Variants in BSN observed in about 807,000 individuals in gnomAD.
The protein encoded by BSN is bassoon presynaptic cytomatrix protein, also known as protein bassoon.
A neutral mutation model predicts 264.8 loss-of-function variants in BSN; 57 were observed. The ratio of observed to expected loss-of-function variants is 0.22; its 90% CI spans 0.17 to 0.27. The LOEUF is 0.27. Among genes scored for constraint, BSN ranks in the 10% least tolerant of loss-of-function variants. BSN has a pLI of 1.00. For missense variants in BSN, 4,615 were observed against 5,232.5 expected (o/e 0.88, Z 3.64); for synonymous variants, 2,059 against 2,137.3 (o/e 0.96, Z 1.01).
intron 2 of BSN, among the ~76,000 whole-genome samples, chr3:49,629,940 C>G (rs1162287685): frequency 1.3e-5 from 2 of 152,276 alleles, no homozygotes; most frequent in Non-Finnish European, 2.9e-5. Context: ...CCATCCCCAA[C>G]TCCTACCCAA....
intron 1 of BSN, among the ~76,000 whole-genome samples, chr3:49,621,478 A>G (rs925634109): frequency 6.6e-6 from 1 of 152,184 alleles, no homozygotes; most frequent in Non-Finnish European, 1.5e-5. Context: ...AGAAGGTGGT[A>G]TTCCCGAAGG....
Position 49,654,851 on chromosome 3 carries a change from G to C in BSN, c.5295G>C (p.Gly1765=). The change falls in exon 5 of 12, where the codon GGG becomes GGC. Residue 1765 remains glycine (G), a synonymous_variant. Transcript: ENST00000296452. This position sits in a 1 kb window ranked among gnomAD's most constrained non-coding sequence, Gnocchi z 4.1. The stretch of plus-strand genomic sequence containing the variant: ...GCCGCCTTGACTTTGGCCAGGGTGG[G>C]GGTAGCCCTGTGTGCCTGGCCCAGG... ...YQSRLDFGQG[G]GSPVCLAQVK... is the part of the protein sequence containing the mutation. 1 of 1,613,514 alleles carries C rather than the reference G, an allele frequency of 6.2e-7. No individual in the cohort carries two copies. Among genetic ancestry groups the C allele is most frequent in the South Asian group, 1.1e-5 (1 of 91,072 alleles).
chr3:49,661,509 A>G lies in BSN; in HGVS notation c.9664A>G (p.Ser3222Gly). ...CTACCCCTCTGACTCACACTATACC[A>G]GTCTGGAGCAGAACGTTCCTCGAAA... Reference protein sequence around the residue: ...PTYPSDSHYTSLEQNVPRNYV... With the variant: ...PTYPSDSHYTGLEQNVPRNYV... The change falls in exon 6 of 12, where the codon AGT becomes GGT. Residue 3222 changes from serine to glycine, a missense_variant. Physicochemically the swap from Ser to Gly is moderately conservative, Grantham distance 56 (BLOSUM62 0). Transcript: ENST00000296452. The G allele has an allele frequency of 1.2e-6, 2 of 1,614,084 alleles. No individual in the cohort carries two copies. The highest frequency in any genetic ancestry group is 1.7e-6 in the Non-Finnish European group (2 of 1,180,024).
At chr3:49,641,513 G>A (rs1447843935) in intron 2 of BSN, 1 of 152,174 alleles carries the variant, frequency 6.6e-6, no homozygotes, top group South Asian at 2.1e-4. Flanking sequence ...AGCGGCACAT[G>A]TCTCGTTTGC....
rs1050925127 is a variant in BSN at position 49,667,850 on chromosome 3, T to G, written c.*365T>G. On this transcript the variant is annotated 3_prime_UTR_variant, in exon 12 of 12. Transcript: ENST00000296452. ...CTGCCACCATGGTGTCTTGCCGTAC[T>G]TCCCACAGCCGCCTTTTTGCGGCCT... 2.0e-5 allele frequency: 3 copies of G among 152,446 alleles called. No individual in the cohort carries two copies. The highest frequency in any genetic ancestry group is 7.2e-5 in the African/African-American group (3 of 41,448). The allele number at this position is 152,446 out of a possible 1,614,324, so 9.4% of individuals were successfully genotyped here.
chr3:49,658,717 T>C (rs1033538042), intron 5 of BSN, among the ~76,000 whole-genome samples: 1 of 152,192 alleles, frequency 6.6e-6, no homozygotes. Context: ...TGCAGTGTGC[T>C]CTCTGCCCCA....
chr3:49,648,922 A>G (rs1439814079), intron 3 of BSN, among the ~76,000 whole-genome samples: 1 of 152,214 alleles, frequency 6.6e-6, no homozygotes, highest in African/African-American at 2.4e-5. Context: ...GGCCTCGGGG[A>G]AGAGCAGAAG....
chr3:49,662,073 T>C lies in BSN; in HGVS notation c.10228T>C (p.Tyr3410His). The stretch of plus-strand genomic sequence containing the variant: ...CAGGAAGTTCCAGGATGAAATCACC[T>C]ATGGGCTCAAGAAGAACGTGTATGA... ...RGRKFQDEIT[Y>H]GLKKNVYEQQ... The change falls in exon 6 of 12, where the codon TAT becomes CAT. Residue 3410 changes from tyrosine to histidine, a missense_variant. By Grantham distance (83) the Tyr-to-His change is moderately conservative. Transcript: ENST00000296452. 1.9e-6 allele frequency: 3 copies of C among 1,613,604 alleles called. No homozygotes were observed. Among genetic ancestry groups the C allele is most frequent in the African/African-American group, 1.3e-5 (1 of 75,048 alleles).
At chr3:49,621,234 G>T (rs564030739) in intron 1 of BSN, among the ~76,000 whole-genome samples, 41 of 152,304 alleles carry the variant, frequency 2.7e-4, no homozygotes, top group African/African-American at 9.4e-4. Flanking sequence ...TCAGAGCAGA[G>T]TTCTGGGCCA....
intron 1 of BSN, among the ~76,000 whole-genome samples, chr3:49,593,855 T>C (rs1167230144): frequency 1.4e-5 from 2 of 147,900 alleles, no homozygotes; most frequent in East Asian, 2.0e-4. Flanking sequence ...CAGGCTGGAG[T>C]GCGGTGGCGT....
At chr3:49,589,419 A>C (rs191669654) in intron 1 of BSN, among the ~76,000 whole-genome samples, 3 of 151,800 alleles carry the variant, frequency 2.0e-5, no homozygotes, top group Non-Finnish European at 4.4e-5. Flanking sequence ...TCTTAGGTCT[A>C]TGTATGTGTA....
Position 49,656,913 on chromosome 3 carries a change from G to C in BSN, c.7357G>C (p.Glu2453Gln), listed in dbSNP as rs761139816. 1 of 1,600,044 alleles carries C rather than the reference G, an allele frequency of 6.2e-7. No individual in the cohort carries two copies. The highest frequency in any genetic ancestry group is 8.5e-7 in the Non-Finnish European group (1 of 1,172,808). Reference protein sequence around the residue: ...EQLAQQRLQLEQIQQLQQQLQ... With the variant: ...EQLAQQRLQLQQIQQLQQQLQ... Reference sequence around the variant, plus strand: ...GCTAGCGCAGCAGCGTCTGCAGCTGGAGCAGATCCAGCAGCTGCAGCAGCA... The same window carrying C: ...GCTAGCGCAGCAGCGTCTGCAGCTGCAGCAGATCCAGCAGCTGCAGCAGCA... Residue 2453 changes from glutamate (E) to glutamine (Q), a missense_variant, in exon 5 of 12, where the codon GAG becomes CAG. This residue lies in a region of BSN where 3,415 missense variants were observed against 3,866.4 expected (regional missense o/e 0.88). Transcript: ENST00000296452.
At chr3:49,596,695 G>A (rs953353267) in intron 1 of BSN, among the ~76,000 whole-genome samples, 1 of 152,050 alleles carries the variant, frequency 6.6e-6, no homozygotes, top group African/African-American at 2.4e-5. Context: ...ATTTTGCCCA[G>A]GATGGAGTGT....
rs781506947 is a variant in BSN at position 49,642,997 on chromosome 3, C to A, written c.1363C>A (p.Pro455Thr). The change falls in exon 3 of 12, where the codon CCA becomes ACA. Residue 455 changes from proline to threonine, a missense_variant. Transcript: ENST00000296452. This position sits in a 1 kb window ranked among gnomAD's most constrained non-coding sequence, Gnocchi z 7.0. ...HQAASKAAAK[P>T]KTMPKERAIC... Reference sequence around the variant, plus strand: ...GGCAGCATCGAAGGCTGCTGCCAAGCCAAAGACCATGCCGAAGGAAAGGGC... The same window carrying A: ...GGCAGCATCGAAGGCTGCTGCCAAGACAAAGACCATGCCGAAGGAAAGGGC... 1.2e-6 allele frequency: 2 copies of A among 1,614,112 alleles called. No individual in the cohort carries two copies. The highest frequency in any genetic ancestry group is 1.7e-6 in the Non-Finnish European group (2 of 1,180,026).
intron 5 of BSN, among the ~76,000 whole-genome samples, chr3:49,659,653 T>C (rs534293643): frequency 9.7e-4 from 148 of 152,164 alleles, no homozygotes; most frequent in African/African-American, 3.3e-3. Flanking sequence ...TACCAGGCAA[T>C]GTGGACCTTC....
rs985797027 is a variant in BSN, at chr3:49,574,819, G to A, written c.224+19993G>A. Among the ~76,000 whole-genome samples, 5 of 151,524 alleles carry A rather than the reference G, an allele frequency of 3.3e-5. No individual in the cohort carries two copies. In the East Asian group the frequency reaches 7.8e-4, roughly 24 times the overall value. On this transcript the variant is annotated intron_variant, in intron 1 of 11. Coordinates refer to ENST00000296452, the MANE Select transcript of BSN (RefSeq NM_003458.4). ...CTAATTTTTATTTTTTTCTTTTTAA[G>A]TAGAGATGGGGTTTCACCATGTTGG...
intron 1 of BSN, among the ~76,000 whole-genome samples, chr3:49,600,886 G>A (rs180881842): frequency 1.2e-4 from 18 of 152,312 alleles, no homozygotes; most frequent in Admixed American, 1.1e-3. Flanking sequence ...TCTGGCTCCT[G>A]TGTATGGCAT....
rs188008271 is a variant in BSN, at chr3:49,557,616, C to T, written c.224+2790C>T. On this transcript the variant is annotated intron_variant, in intron 1 of 11. Transcript: ENST00000296452. ...TTTTTGAGTTGGAGTCTCGCTCTGT[C>T]GCCCAGGCTGGAGTGCAGTGGCACG... 8.1e-4 allele frequency among the ~76,000 whole-genome samples: 114 copies of T among 139,924 alleles called. No homozygotes were observed. In the Middle Eastern group the frequency reaches 0.013, roughly 16 times the overall value. The allele number at this position is 139,924 out of a possible 152,430, so 91.8% of individuals were successfully genotyped here.
In BSN at chr3:49,668,694, C is replaced by T. The variant is rs1013084795; in HGVS notation, c.*1209C>T. The T allele has an allele frequency of 1.3e-5, 2 of 152,676 alleles. No homozygotes were observed. 9.5% of individuals were successfully genotyped at this position (152,676 alleles called of 1,614,324 possible). A position where few individuals can be genotyped will look rare whatever the true frequency, so the allele number is the denominator to read the frequency against. ...AGAGCAGAGGGGCCAGGACTTCTGC[C>T]AGCCAAGGGAAAGGCCCAGAGCCCT... On this transcript the variant is annotated 3_prime_UTR_variant, in exon 12 of 12. Coordinates refer to ENST00000296452, the MANE Select transcript of BSN (RefSeq NM_003458.4).
Sources: allele counts gnomAD v4.1 joint callset (sites outside exome capture counted in the v4.1 genomes callset), GRCh38; gene constraint gnomAD v4.1.1; regional missense constraint gnomAD v4.1.1; non-coding constraint Gnocchi (gnomAD v3.1); transcripts MANE v1.5; gene names NCBI Gene and HGNC (gene_info 2026-07-23, HGNC 2026-07-21).